Variants in SUGCT observed in about 807,000 individuals in gnomAD.
SUGCT encodes the protein succinyl-CoA:glutarate CoA-transferase.
Under a neutral mutation model 55.0 loss-of-function variants are expected in SUGCT, and 41 were observed. That is an observed-to-expected ratio of 0.74 (90% CI 0.58 to 0.97). The LOEUF is 0.97. Among genes scored for constraint, SUGCT ranks in the 50% least tolerant of loss-of-function variants. The pLI, the probability that SUGCT is intolerant of heterozygous loss-of-function variation, is 0.00. For synonymous variants in SUGCT, 187 were observed against 200.4 expected, an observed-to-expected ratio of 0.93 and a Z score of 0.56; for missense variants, 568 against 547.8, an observed-to-expected ratio of 1.04 and a Z score of -0.37.
the SUGCT span, among the ~76,000 whole-genome samples, chr7:40,888,335 G>T: frequency 6.6e-6 from 1 of 151,872 alleles, no homozygotes; most frequent in Non-Finnish European, 1.5e-5. Flanking sequence ...ACCACAAAAG[G>T]TAGAGATAGG....
intron 12 of SUGCT, among the ~76,000 whole-genome samples, chr7:40,583,428 A>G (rs943049615): frequency 6.6e-6 from 1 of 152,108 alleles, no homozygotes; most frequent in Non-Finnish European, 1.5e-5. Flanking sequence ...TTTATCCTAA[A>G]GTGATCATTG....
intron 7 of SUGCT, among the ~76,000 whole-genome samples, chr7:40,250,951 C>T (rs1584465806): frequency 1.3e-5 from 2 of 150,332 alleles, no homozygotes; most frequent in South Asian, 4.2e-4. Context: ...ATTTTCCTGT[C>T]TCAGCCTCCC....
At chr7:40,390,720 A>G (rs1256806300) in intron 9 of SUGCT, among the ~76,000 whole-genome samples, 1 of 152,206 alleles carries the variant, frequency 6.6e-6, no homozygotes, top group Non-Finnish European at 1.5e-5. Context: ...AAGGTAATTT[A>G]CAGATTCAAT....
intron 9 of SUGCT, among the ~76,000 whole-genome samples, chr7:40,382,887 A>T (rs538246759): frequency 1.2e-3 from 180 of 152,342 alleles, no homozygotes; most frequent in African/African-American, 3.9e-3. Flanking sequence ...TATTACATAG[A>T]GAACTAATAA....
At chr7:40,818,071 A>T (rs559783133) in intron 13 of SUGCT, among the ~76,000 whole-genome samples, 25 of 152,346 alleles carry the variant, frequency 1.6e-4, no homozygotes, top group Middle Eastern at 3.4e-3. Context: ...TTCTGAGAGA[A>T]TAGGAACCAA....
intron 7 of SUGCT, among the ~76,000 whole-genome samples, chr7:40,265,987 C>T (rs7796278): frequency 1.3e-5 from 2 of 151,548 alleles, no homozygotes; most frequent in African/African-American, 4.8e-5. Context: ...AAACAAAAAA[C>T]AAAAACCTTC....
chr7:40,409,886 T>C (rs1786577955), intron 9 of SUGCT, among the ~76,000 whole-genome samples: 1 of 152,182 alleles, frequency 6.6e-6, no homozygotes, highest in African/African-American at 2.4e-5. Context: ...AGAGTTGATC[T>C]GTTCATCATA....
downstream of SUGCT, among the ~76,000 whole-genome samples, chr7:40,862,420 A>G (rs953292143): frequency 1.5e-4 from 23 of 152,242 alleles, 1 homozygote; most frequent in African/African-American, 5.1e-4. Context: ...AATTTGGAAT[A>G]TATTTCAAGT....
chr7:40,785,791 G>T lies in SUGCT; in HGVS notation c.1153+36294G>T, dbSNP rs1789980060. 2.6e-5 allele frequency among the ~76,000 whole-genome samples: 4 copies of T among 152,204 alleles called. No homozygotes were observed. In the South Asian group the frequency reaches 8.3e-4, roughly 32 times the overall value. ...GCTTCTGTTTGTAATTTGGTTTAAA[G>T]AAAAATAATTTTAGGGCCAGGTATG... On this transcript the variant is annotated intron_variant, in intron 13 of 13. Transcript: ENST00000335693.
At chr7:40,827,812 A>G (rs1792416923) in intron 13 of SUGCT, among the ~76,000 whole-genome samples, 2 of 152,086 alleles carry the variant, frequency 1.3e-5, no homozygotes, top group Non-Finnish European at 2.9e-5. Context: ...CACAAAAGCA[A>G]CAATAACAAA....
rs188536655 is a variant in SUGCT, at chr7:40,825,893, T to C, written c.1154-34423T>C. Reference sequence around the variant, plus strand: ...AGGAATACCTACATGCCCGTATTTATAAAGGAAAACTAAATCACCAAAAAG... The same window carrying C: ...AGGAATACCTACATGCCCGTATTTACAAAGGAAAACTAAATCACCAAAAAG... On this transcript the variant is annotated intron_variant, in intron 13 of 13. Transcript: ENST00000335693. Among the ~76,000 whole-genome samples, 388 of 152,332 alleles carry C rather than the reference T, an allele frequency of 2.5e-3. 2 individuals are homozygous for C. The highest frequency in any genetic ancestry group is 8.9e-3 in the African/African-American group (369 of 41,570).
At chr7:40,585,906 C>T (rs1016022988) in intron 12 of SUGCT, among the ~76,000 whole-genome samples, 5 of 152,114 alleles carry the variant, frequency 3.3e-5, no homozygotes, top group African/African-American at 4.8e-5. Flanking sequence ...GTCTTGAACT[C>T]CTGGGCTCAA....
intron 7 of SUGCT, among the ~76,000 whole-genome samples, chr7:40,265,052 C>G (rs987764581): frequency 6.6e-6 from 1 of 152,132 alleles, no homozygotes; most frequent in African/African-American, 2.4e-5. Context: ...AAGAACTTCT[C>G]CAAAGGTTGT....
chr7:40,229,677 G>A (rs1326888810), intron 6 of SUGCT, among the ~76,000 whole-genome samples: 1 of 151,852 alleles, frequency 6.6e-6, no homozygotes, highest in Non-Finnish European at 1.5e-5. Flanking sequence ...GCTGGGCTTG[G>A]TGGTTGCGTG....
At chr7:40,820,002 T>G (rs1791895101) in intron 13 of SUGCT, among the ~76,000 whole-genome samples, 1 of 152,232 alleles carries the variant, frequency 6.6e-6, no homozygotes, top group Non-Finnish European at 1.5e-5. Flanking sequence ...CCAGCACCAT[T>G]TATTAAATAG....
chr7:40,679,723 G>A (rs1466209182), intron 12 of SUGCT, among the ~76,000 whole-genome samples: 1 of 152,102 alleles, frequency 6.6e-6, no homozygotes, highest in East Asian at 1.9e-4. Context: ...CATGTAGAAG[G>A]TAGAGTCCTG....
At chr7:40,622,405 G>A (rs954011282) in intron 12 of SUGCT, among the ~76,000 whole-genome samples, 1 of 152,004 alleles carries the variant, frequency 6.6e-6, no homozygotes, top group African/African-American at 2.4e-5. Flanking sequence ...TCTCACTGGT[G>A]GTAATGCCCA....
chr7:40,788,734 A>T (rs1790161494), intron 13 of SUGCT, among the ~76,000 whole-genome samples: 1 of 152,188 alleles, frequency 6.6e-6, no homozygotes, highest in South Asian at 2.1e-4. Context: ...TAGTTCAGGC[A>T]GGCCTGCTAC....
At chr7:40,641,977 C>G (rs1800290167) in intron 12 of SUGCT, among the ~76,000 whole-genome samples, 1 of 152,172 alleles carries the variant, frequency 6.6e-6, no homozygotes, top group African/African-American at 2.4e-5. Context: ...AACCCAATTT[C>G]CAGTCTGCAG....
Sources: gnomAD v4.1 joint callset for allele counts (sites outside exome capture counted in the v4.1 genomes callset) on GRCh38, gnomAD v4.1.1 for gene constraint, MANE v1.5 for transcripts, NCBI Gene and HGNC (gene_info 2026-07-23, HGNC 2026-07-21) for gene names.